Variants in HIBADH observed in about 807,000 individuals in gnomAD.
The protein encoded by HIBADH is 3-hydroxyisobutyrate dehydrogenase, mitochondrial.
Under a neutral mutation model 36.1 loss-of-function variants are expected in HIBADH, and 25 were observed. That is an observed-to-expected ratio of 0.69 (90% CI 0.50 to 0.97). HIBADH has a LOEUF of 0.97. Ranked by LOEUF, HIBADH falls within the 50% of genes least tolerant of loss-of-function variation. The pLI is 0.00. For synonymous variants in HIBADH, 160 were observed against 149.5 expected (o/e 1.07, Z -0.51); for missense variants, 421 against 418.0 (o/e 1.01, Z -0.06).
intron 2 of HIBADH, among the ~76,000 whole-genome samples, chr7:27,646,926 C>T (rs922446678): frequency 6.6e-6 from 1 of 152,024 alleles, no homozygotes; most frequent in African/African-American, 2.4e-5. Flanking sequence ...GAACTCCTGG[C>T]CTCAGGTGAT....
At chr7:27,567,850 TTA>T (rs1224948183) in intron 4 of HIBADH, among the ~76,000 whole-genome samples, 3 of 152,200 alleles carry the variant, frequency 2.0e-5, no homozygotes, top group Non-Finnish European at 4.4e-5. Context: ...GGCCTTCGAC[TTA>T]GTTTGCCTTA....
intron 2 of HIBADH, among the ~76,000 whole-genome samples, chr7:27,648,128 T>C (rs1786110803): frequency 6.6e-6 from 1 of 152,226 alleles, no homozygotes; most frequent in Admixed American, 6.5e-5. Context: ...AATTGGTTCA[T>C]CTCAGACTGA....
intron 4 of HIBADH, among the ~76,000 whole-genome samples, chr7:27,553,146 A>G (rs1397378067): frequency 6.6e-6 from 1 of 152,212 alleles, no homozygotes; most frequent in African/African-American, 2.4e-5. Context: ...GACAAAGCTG[A>G]GATTCTTCAA....
At chr7:27,662,566 C>A in intron 1 of HIBADH, 132 bp downstream of exon 1, 2 of 482,986 alleles carry the variant, frequency 4.1e-6, no homozygotes, top group Non-Finnish European at 7.0e-6. Context: ...GCCTTTAGTA[C>A]CAGCCAAAAT....
At chr7:27,577,415 G>A (rs1476505916) in intron 4 of HIBADH, among the ~76,000 whole-genome samples, 3 of 151,758 alleles carry the variant, frequency 2.0e-5, no homozygotes, top group Non-Finnish European at 4.4e-5. Context: ...TGCCGACCTC[G>A]GCCTCCCAAA....
At chr7:27,560,623 T>C (rs1474097339) in intron 4 of HIBADH, among the ~76,000 whole-genome samples, 2 of 152,198 alleles carry the variant, frequency 1.3e-5, no homozygotes, top group Non-Finnish European at 2.9e-5. Context: ...TTCAGGTATT[T>C]CTTAAAAAGA....
intron 6 of HIBADH, among the ~76,000 whole-genome samples, chr7:27,535,102 A>G (rs1304852261): frequency 6.6e-6 from 1 of 150,634 alleles, no homozygotes; most frequent in African/African-American, 2.4e-5. Flanking sequence ...TGTATGATGG[A>G]TAAGTGAATG....
chr7:27,594,057 T>A (rs960276829), intron 4 of HIBADH, among the ~76,000 whole-genome samples: 1 of 147,298 alleles, frequency 6.8e-6, no homozygotes, highest in African/African-American at 2.5e-5. Context: ...AATAAATAAA[T>A]AAAATAATAC....
chr7:27,658,240 T>C (rs968996051), intron 1 of HIBADH, among the ~76,000 whole-genome samples: 1 of 152,216 alleles, frequency 6.6e-6, no homozygotes, highest in Admixed American at 6.5e-5. Flanking sequence ...CATCTCTCTT[T>C]AAATAACTTC....
intron 4 of HIBADH, among the ~76,000 whole-genome samples, chr7:27,580,704 T>C (rs1377821320): frequency 6.6e-6 from 1 of 152,230 alleles, no homozygotes; most frequent in East Asian, 1.9e-4. Context: ...TATGTATTGT[T>C]ACAGGCATTG....
intron 4 of HIBADH, among the ~76,000 whole-genome samples, chr7:27,544,265 T>A (rs1168447382): frequency 3.9e-5 from 6 of 152,226 alleles, no homozygotes; most frequent in Admixed American, 3.3e-4. Flanking sequence ...ATTTTGCTAT[T>A]GTCAAATCAA....
intron 1 of HIBADH, among the ~76,000 whole-genome samples, chr7:27,662,467 C>T (rs1335750769): frequency 6.6e-6 from 1 of 152,184 alleles, no homozygotes; most frequent in South Asian, 2.1e-4. Flanking sequence ...GAAAAGGGCG[C>T]TGAACCCGTT....
intron 4 of HIBADH, among the ~76,000 whole-genome samples, chr7:27,562,718 A>T (rs1784485783): frequency 6.6e-6 from 1 of 152,134 alleles, no homozygotes; most frequent in South Asian, 2.1e-4. Context: ...TTGGCCTACC[A>T]AAGTGCTGAG....
rs1277398828 is a variant in HIBADH, at chr7:27,645,377, T to TG, written c.252+4095_252+4096insC. On this transcript the variant is annotated intron_variant, in intron 2 of 7. Coordinates refer to ENST00000265395, the MANE Select transcript of HIBADH (RefSeq NM_152740.4). ...GTGTCTCATGGTTTTGATTTTTTTT[T>TG]TTTTTTTTTTTTTTTTTTGAGACAG... is the stretch of plus-strand genomic sequence containing the variant. Among the ~76,000 whole-genome samples the TG allele has an allele frequency of 4.0e-5, 5 of 125,916 alleles. 1 individual carries two copies. The highest frequency in any genetic ancestry group is 1.6e-4 in the African/African-American group (5 of 30,964). The allele number at this position is 125,916 out of a possible 152,430, so 82.6% of individuals were successfully genotyped here.
At chr7:27,580,808 A>C (rs1784776572) in intron 4 of HIBADH, among the ~76,000 whole-genome samples, 2 of 152,334 alleles carry the variant, frequency 1.3e-5, no homozygotes, top group South Asian at 4.1e-4. Flanking sequence ...ATTAAGGAAC[A>C]ACTCCTAGAA....
At chr7:27,607,145 A>G (rs907050411) in intron 4 of HIBADH, among the ~76,000 whole-genome samples, 5 of 152,208 alleles carry the variant, frequency 3.3e-5, no homozygotes, top group African/African-American at 1.2e-4. Flanking sequence ...ATGTGTACTA[A>G]TAAGAATGTA....
intron 4 of HIBADH, among the ~76,000 whole-genome samples, chr7:27,593,636 T>C (rs888708798): frequency 5.9e-5 from 9 of 152,190 alleles, no homozygotes; most frequent in Non-Finnish European, 8.8e-5. Flanking sequence ...TCACTACTAT[T>C]ATTCAATATT....
chr7:27,552,022 A>C (rs1469405928), intron 4 of HIBADH, among the ~76,000 whole-genome samples: 1 of 152,232 alleles, frequency 6.6e-6, no homozygotes, highest in Non-Finnish European at 1.5e-5. Flanking sequence ...GAAAAAGGCG[A>C]CAGCTGGGAC....
intron 4 of HIBADH, among the ~76,000 whole-genome samples, chr7:27,628,543 G>C (rs1785688269): frequency 6.6e-6 from 1 of 152,044 alleles, no homozygotes; most frequent in African/African-American, 2.4e-5. Flanking sequence ...AAACTACCCA[G>C]ATACCTGCTA....
Sources: gnomAD v4.1 joint callset for allele counts (sites outside exome capture counted in the v4.1 genomes callset) on GRCh38, gnomAD v4.1.1 for gene constraint, MANE v1.5 for transcripts, NCBI Gene and HGNC (gene_info 2026-07-23, HGNC 2026-07-21) for gene names.